Variants in NF1 observed in about 807,000 individuals in gnomAD.
The protein encoded by NF1 is neurofibromin.
NF1 carries 122 observed loss-of-function variants against 325.7 expected under a neutral mutation model. The ratio of observed to expected loss-of-function variants is 0.37; its 90% confidence interval spans 0.32 to 0.44. The LOEUF (loss-of-function observed/expected upper bound fraction) is 0.44, where lower values mean the gene tolerates loss of function less well. NF1 is among the 20% of genes least tolerant of loss of function. The pLI is 1.00. For missense variants in NF1, 2,140 were observed against 3,415.4 expected (o/e 0.63, Z 9.31); for synonymous variants, 1,091 against 1,186.0 (o/e 0.92, Z 1.65).
chr17:31,176,760 A>C (rs2066030189), intron 5 of NF1, among the ~76,000 whole-genome samples: 1 of 152,340 alleles, frequency 6.6e-6, no homozygotes, highest in South Asian at 2.1e-4. Context: ...TTTATTAAAT[A>C]GGGAATCCTT....
rs559213649 is a variant in NF1, at chr17:31,315,667, T to C, written c.4836-10153T>C. 5.3e-5 allele frequency among the ~76,000 whole-genome samples: 8 copies of C among 152,328 alleles called. No homozygotes were observed. The East Asian group carries it at 1.5e-3, about 29-fold the overall frequency. ...TTCCTCTCTTGAAAAATGGAGATCA[T>C]AATTCCTAATTTATAAGCTTATTGT... On this transcript the variant is annotated intron_variant, in intron 36 of 57. Coordinates refer to ENST00000358273, the MANE Select transcript of NF1 (RefSeq NM_001042492.3).
At chr17:31,214,051 T>C (rs1173591345) in intron 12 of NF1, among the ~76,000 whole-genome samples, 1 of 152,156 alleles carries the variant, frequency 6.6e-6, no homozygotes, top group Non-Finnish European at 1.5e-5. Context: ...CTTGTATGTA[T>C]GTCTGGGGAA....
chr17:31,154,705 C>A (rs1246127351), intron 1 of NF1, among the ~76,000 whole-genome samples: 2 of 151,078 alleles, frequency 1.3e-5, no homozygotes, highest in Non-Finnish European at 2.9e-5. Context: ...AATGCTGCCC[C>A]ACCCCGCCAA....
intron 36 of NF1, chr17:31,320,492 G>T: frequency 7.0e-7 from 1 of 1,431,062 alleles, no homozygotes; most frequent in Non-Finnish European, 9.8e-7. Flanking sequence ...GTTGTTATAT[G>T]TCATTGGCTG....
chr17:31,338,013 T>C lies in NF1; in HGVS notation c.6705-12T>C, dbSNP rs2151557988. 1 of 1,605,414 alleles carries C rather than the reference T, an allele frequency of 6.2e-7. No individual in the cohort carries two copies. Among genetic ancestry groups the C allele is most frequent in the Non-Finnish European group, 8.5e-7 (1 of 1,172,000 alleles). ...AAGGTTTTTATAAGTTCTGTGGATC[T>C]TTTAATTGCAGATTTGCATTCCAAT... On this transcript the variant is annotated splice_polypyrimidine_tract_variant and intron_variant, in intron 44 of 57. Transcript: ENST00000358273.
intron 10 of NF1, 39 bp from the exon 11 acceptor site, chr17:31,201,372 T>C: frequency 1.3e-6 from 2 of 1,562,158 alleles, no homozygotes; most frequent in Non-Finnish European, 1.8e-6. Context: ...AGTATTTTTC[T>C]CATAGAAATA....
intron 57 of NF1, among the ~76,000 whole-genome samples, chr17:31,365,278 C>CAA (rs67659795): frequency 9.9e-6 from 1 of 101,114 alleles, no homozygotes; most frequent in African/African-American, 5.5e-5. Flanking sequence ...GAACCTATCT[C>CAA]AAAAAAAAAA....
At chr17:31,136,958 A>T (rs527888915) in intron 1 of NF1, 1 of 152,234 alleles carries the variant, frequency 6.6e-6, no homozygotes, top group Non-Finnish European at 1.5e-5. Context: ...CTTGAATGAT[A>T]GTTTTGCTGG....
At chr17:31,200,964 T>C in intron 9 of NF1, 73 bp from the exon 10 acceptor site, 9 of 1,595,704 alleles carry the variant, frequency 5.6e-6, no homozygotes, top group Non-Finnish European at 7.7e-6. Flanking sequence ...AATGTGTTGA[T>C]GTTATTACAT....
At chr17:31,143,882 C>T (rs1474327502) in intron 1 of NF1, among the ~76,000 whole-genome samples, 4 of 152,020 alleles carry the variant, frequency 2.6e-5, no homozygotes, top group African/African-American at 7.2e-5. Context: ...AGTGCAGTGG[C>T]GCAGTCTCGG....
At chr17:31,295,106 G>A in intron 36 of NF1, 1 of 1,614,138 alleles carries the variant, frequency 6.2e-7, no homozygotes, top group Non-Finnish European at 8.5e-7. Flanking sequence ...CTTTACATTT[G>A]TGGTTGTCTC....
At chr17:31,327,899 C>A in intron 38 of NF1, 60 bp downstream of exon 38, 1 of 1,479,380 alleles carries the variant, frequency 6.8e-7, no homozygotes, top group Non-Finnish European at 9.4e-7. Flanking sequence ...AAAATGAGAC[C>A]ATTTAATGAA....
chr17:31,135,453 C>G (rs1820965159), intron 1 of NF1, among the ~76,000 whole-genome samples: 1 of 152,020 alleles, frequency 6.6e-6, no homozygotes, highest in South Asian at 2.1e-4. Context: ...TCATGGGAAA[C>G]CAGTCTGATG....
At chr17:31,318,655 AT>A (rs766097470) in intron 36 of NF1, 4 of 1,613,960 alleles carry the variant, frequency 2.5e-6, no homozygotes, top group Admixed American at 1.7e-5. Flanking sequence ...CTTTTTGAAA[AT>A]TTCACCATGA....
At chr17:31,261,950 A>G (rs577066394) in intron 35 of NF1, 93 bp downstream of exon 35, 7 of 1,200,872 alleles carry the variant, frequency 5.8e-6, no homozygotes, top group Non-Finnish European at 4.9e-6. Context: ...ATAGAAGACT[A>G]TGAGGAAAGA....
chr17:31,266,062 C>A (rs913726471), intron 36 of NF1, among the ~76,000 whole-genome samples: 1 of 152,138 alleles, frequency 6.6e-6, no homozygotes, highest in Non-Finnish European at 1.5e-5. Context: ...GGTAATTGAG[C>A]CTTAGAGACA....
chr17:31,095,453 C>T, intron 1 of NF1, 84 bp downstream of exon 1: 1 of 1,337,350 alleles, frequency 7.5e-7, no homozygotes, highest in Non-Finnish European at 1.0e-6. Flanking sequence ...GCGGCCGCCT[C>T]CCCCGCGGCT....
At chr17:31,266,938 T>TC (rs2067800788) in intron 36 of NF1, among the ~76,000 whole-genome samples, 2 of 151,884 alleles carry the variant, frequency 1.3e-5, no homozygotes, top group African/African-American at 4.8e-5. Context: ...CATAATCTTT[T>TC]TTTTTTTTTT....
At chr17:31,311,258 C>T (rs1262649042) in intron 36 of NF1, among the ~76,000 whole-genome samples, 1 of 151,986 alleles carries the variant, frequency 6.6e-6, no homozygotes, top group Non-Finnish European at 1.5e-5. Flanking sequence ...CGGCCATAGA[C>T]ATGTTCTTAT....
Sources: gnomAD v4.1 joint callset for allele counts (sites outside exome capture counted in the v4.1 genomes callset) on GRCh38, gnomAD v4.1.1 for gene constraint, MANE v1.5 for transcripts, NCBI Gene and HGNC (gene_info 2026-07-23, HGNC 2026-07-21) for gene names.